The following SYT1 variants were observed in gnomAD, a reference collection of about 807,000 sequenced individuals.
SYT1 encodes the protein synaptotagmin 1, also known as synaptotagmin-1.
A neutral mutation model predicts 44.8 loss-of-function variants in SYT1; 8 were observed. That is an observed-to-expected ratio of 0.18 (90% confidence interval 0.10 to 0.32). The LOEUF (loss-of-function observed/expected upper bound fraction) is 0.32, where lower values mean the gene tolerates loss of function less well. Ranked by LOEUF, SYT1 falls within the 10% of genes least tolerant of loss-of-function variation. SYT1 has a pLI of 1.00. For synonymous variants in SYT1, 154 were observed against 188.8 expected, an observed-to-expected ratio of 0.82 and a Z score of 1.51; for missense variants, 286 against 509.3, an observed-to-expected ratio of 0.56 and a Z score of 4.22.
intron 3 of SYT1, among the ~76,000 whole-genome samples, chr12:79,169,853 A>G (rs958508438): frequency 6.6e-6 from 1 of 151,806 alleles, no homozygotes; most frequent in Non-Finnish European, 1.5e-5. Context: ...TCCTTCACCT[A>G]CCTGGCTCCA....
chr12:79,324,639 AAAAAT>A (rs1165815364), intron 8 of SYT1, among the ~76,000 whole-genome samples: 2 of 152,240 alleles, frequency 1.3e-5, no homozygotes, highest in African/African-American at 4.8e-5. Flanking sequence ...ATTAGCATTT[AAAAAT>A]AAGACCTATA....
intron 2 of SYT1, among the ~76,000 whole-genome samples, chr12:79,004,011 A>G (rs1195390650): frequency 6.6e-6 from 1 of 151,950 alleles, no homozygotes; most frequent in Non-Finnish European, 1.5e-5. Flanking sequence ...TGATGCCACT[A>G]ATAATTCCAT....
intron 2 of SYT1, among the ~76,000 whole-genome samples, chr12:79,003,626 T>C (rs1353445823): frequency 6.6e-6 from 1 of 151,958 alleles, no homozygotes; most frequent in Admixed American, 6.6e-5. Context: ...TTGTTTCTGA[T>C]TACAAAAGGG....
At chr12:78,876,262 T>C (rs1218593439) in intron 1 of SYT1, among the ~76,000 whole-genome samples, 2 of 151,482 alleles carry the variant, frequency 1.3e-5, no homozygotes, top group African/African-American at 4.8e-5. Flanking sequence ...ATAACCTAAG[T>C]CTACCTAGGT....
intron 4 of SYT1, among the ~76,000 whole-genome samples, chr12:79,261,353 C>G (rs1877820774): frequency 6.6e-6 from 1 of 152,192 alleles, no homozygotes; most frequent in South Asian, 2.1e-4. Context: ...TTTTCAATCT[C>G]TCTGCCACAC....
At chr12:78,899,593 T>C (rs1875547818) in intron 1 of SYT1, among the ~76,000 whole-genome samples, 1 of 150,778 alleles carries the variant, frequency 6.6e-6, no homozygotes, top group Non-Finnish European at 1.5e-5. Flanking sequence ...TGTGAAATAT[T>C]AATATTTTTC....
intron 8 of SYT1, among the ~76,000 whole-genome samples, chr12:79,311,377 G>A (rs1352118868): frequency 2.0e-5 from 3 of 150,248 alleles, no homozygotes; most frequent in African/African-American, 7.4e-5. Context: ...AACAGGTGCT[G>A]GAGAGGATGT....
At chr12:79,333,162 C>T (rs1158209685) in intron 8 of SYT1, among the ~76,000 whole-genome samples, 2 of 152,122 alleles carry the variant, frequency 1.3e-5, no homozygotes, top group African/African-American at 4.8e-5. Flanking sequence ...CTGGGTGGCT[C>T]ATAAACAACA....
At chr12:79,262,497 C>T (rs573530129) in intron 4 of SYT1, among the ~76,000 whole-genome samples, 1 of 152,264 alleles carries the variant, frequency 6.6e-6, no homozygotes, top group South Asian at 2.1e-4. Flanking sequence ...CTATAAATTA[C>T]TAGAAGTTTC....
At chr12:79,036,822 T>C (rs761945627) in intron 2 of SYT1, among the ~76,000 whole-genome samples, 1 of 151,774 alleles carries the variant, frequency 6.6e-6, no homozygotes, top group Non-Finnish European at 1.5e-5. Flanking sequence ...CACGAGAGTG[T>C]TCACAATGGC....
chr12:78,937,340 T>A (rs1312133139), intron 1 of SYT1, among the ~76,000 whole-genome samples: 1 of 152,182 alleles, frequency 6.6e-6, no homozygotes, highest in African/African-American at 2.4e-5. Context: ...CTATCCACTA[T>A]TTATTTCTTG....
At chr12:79,212,172 T>C (rs1201055732) in intron 3 of SYT1, among the ~76,000 whole-genome samples, 1 of 152,148 alleles carries the variant, frequency 6.6e-6, no homozygotes, top group East Asian at 1.9e-4. Context: ...CATGGAATAC[T>C]ATGCAGCTAT....
At chr12:79,371,482 A>G (rs1053509338) in intron 9 of SYT1, among the ~76,000 whole-genome samples, 5 of 152,362 alleles carry the variant, frequency 3.3e-5, no homozygotes, top group African/African-American at 1.2e-4. Context: ...CTGCGACTTC[A>G]TAAACAGCAA....
At chr12:78,882,527 G>T (rs1450106708) in intron 1 of SYT1, among the ~76,000 whole-genome samples, 2 of 151,600 alleles carry the variant, frequency 1.3e-5, no homozygotes, top group Admixed American at 6.6e-5. Context: ...TATTATAGTA[G>T]TATGAATAAT....
chr12:79,342,686 T>G (rs182183146), intron 8 of SYT1, among the ~76,000 whole-genome samples: 1 of 152,230 alleles, frequency 6.6e-6, no homozygotes, highest in East Asian at 1.9e-4. Flanking sequence ...TTATGATAAA[T>G]AAAATCAGAA....
At chr12:79,193,551 T>C (rs1393662148) in intron 3 of SYT1, among the ~76,000 whole-genome samples, 1 of 152,144 alleles carries the variant, frequency 6.6e-6, no homozygotes, top group Non-Finnish European at 1.5e-5. Context: ...TTCCATACTT[T>C]CATTTTTTAC....
chr12:78,927,133 C>A (rs117033749), intron 1 of SYT1, among the ~76,000 whole-genome samples: 5,281 of 152,180 alleles, frequency 0.035, 134 homozygotes, highest in Non-Finnish European at 0.051. Flanking sequence ...GGACCCAAGT[C>A]CTCTCCATGC....
intron 2 of SYT1, among the ~76,000 whole-genome samples, chr12:79,012,941 A>G (rs1871514071): frequency 6.6e-6 from 1 of 151,944 alleles, no homozygotes; most frequent in Non-Finnish European, 1.5e-5. Flanking sequence ...TGCTTCATTA[A>G]CTGTGCCATG....
chr12:79,346,910 G>A (rs914490669), intron 8 of SYT1, among the ~76,000 whole-genome samples: 2 of 152,144 alleles, frequency 1.3e-5, no homozygotes, highest in African/African-American at 2.4e-5. Flanking sequence ...TTGAGCTCAC[G>A]TGTAAGAAAT....
Sources: gnomAD v4.1 joint callset for allele counts (sites outside exome capture counted in the v4.1 genomes callset) on GRCh38, gnomAD v4.1.1 for gene constraint, MANE v1.5 for transcripts, NCBI Gene and HGNC (gene_info 2026-07-23, HGNC 2026-07-21) for gene names.